Variants in OXR1 observed in about 807,000 individuals in gnomAD.
OXR1 encodes oxidation resistance protein 1.
In OXR1, 41 loss-of-function variants were observed where a neutral mutation model predicts 104.6. The observed-to-expected ratio is 0.39, with a 90% CI of 0.31 to 0.51. The LOEUF is 0.51. Among genes scored for constraint, OXR1 ranks in the 20% least tolerant of loss-of-function variants. The probability of loss-of-function intolerance (pLI) is 0.77; values close to 1 mark genes in which losing one functional copy is unlikely to be tolerated. For missense variants in OXR1, 955 were observed against 1,031.9 expected (o/e 0.93, Z 1.02); for synonymous variants, 348 against 348.4 (o/e 1.00, Z 0.01).
At chr8:106,573,476 T>C (rs1817620515) in intron 3 of OXR1, among the ~76,000 whole-genome samples, 1 of 152,168 alleles carries the variant, frequency 6.6e-6, no homozygotes, top group African/African-American at 2.4e-5. Flanking sequence ...TATTCAGTAA[T>C]GATTCTGCTA....
intron 1 of OXR1, among the ~76,000 whole-genome samples, chr8:106,301,402 C>T (rs1490873016): frequency 3.9e-5 from 6 of 152,072 alleles, no homozygotes; most frequent in Non-Finnish European, 8.8e-5. Flanking sequence ...AATACTCAGT[C>T]AGTAGGAAAA....
At chr8:106,520,789 C>T (rs916379913) in intron 3 of OXR1, among the ~76,000 whole-genome samples, 3 of 152,136 alleles carry the variant, frequency 2.0e-5, no homozygotes, top group South Asian at 2.1e-4. Context: ...TTCTAATTAG[C>T]GAAAAAGACA....
At chr8:106,470,389 G>A (rs982098658) in intron 2 of OXR1, among the ~76,000 whole-genome samples, 12 of 151,440 alleles carry the variant, frequency 7.9e-5, no homozygotes, top group African/African-American at 2.2e-4. Flanking sequence ...TTGGAGGTGA[G>A]TGTGAATAAA....
rs1451255553 is a variant in OXR1 at position 106,498,878 on chromosome 8, GAT to G, written c.24-20064_24-20063del. ...TACCTTTTTAGCTAAAGAATTAGGA[GAT>G]GGCCGGGCGCGGTGGCTCACGCCTG... On this transcript the variant is annotated intron_variant, in intron 2 of 16. Transcript: ENST00000517566. 2.5e-5 allele frequency among the ~76,000 whole-genome samples: 2 copies of G among 78,520 alleles called. 1 individual carries two copies. Among genetic ancestry groups the G allele is most frequent in the Non-Finnish European group, 6.1e-5 (2 of 32,982 alleles). The allele number at this position is 78,520 out of a possible 152,430, so 51.5% of individuals were successfully genotyped here.
At chr8:106,512,608 T>C (rs573347939) in intron 2 of OXR1, among the ~76,000 whole-genome samples, 1 of 152,184 alleles carries the variant, frequency 6.6e-6, no homozygotes, top group Non-Finnish European at 1.5e-5. Context: ...AGTCATATCA[T>C]GATGTAGTTT....
At chr8:106,527,631 C>G (rs1413835516) in intron 3 of OXR1, among the ~76,000 whole-genome samples, 1 of 152,194 alleles carries the variant, frequency 6.6e-6, no homozygotes, top group Admixed American at 6.5e-5. Context: ...TCCAAACGTC[C>G]TTTACACCTG....
At chr8:106,270,601 G>A (rs945466564) in intron 1 of OXR1, among the ~76,000 whole-genome samples, 1 of 149,480 alleles carries the variant, frequency 6.7e-6, no homozygotes, top group Admixed American at 6.7e-5. Context: ...GGGCCCAGAG[G>A]GCGGACTTGG....
chr8:106,484,653 A>G lies in OXR1; in HGVS notation c.24-34290A>G, dbSNP rs539562031. The stretch of plus-strand genomic sequence containing the variant: ...ACACCTATTAGAATGGCCAAAGTCC[A>G]GAACACTGACACTACCAAATGCTGA... On this transcript the variant is annotated intron_variant, in intron 2 of 16. Coordinates refer to ENST00000517566, the MANE Select transcript of OXR1 (RefSeq NM_001198533.2). 1.5e-4 allele frequency among the ~76,000 whole-genome samples: 23 copies of G among 152,208 alleles called. 1 individual carries two copies. The South Asian group carries it at 4.6e-3, about 30-fold the overall frequency.
intron 10 of OXR1, among the ~76,000 whole-genome samples, chr8:106,712,835 T>C (rs1212134872): frequency 1.3e-5 from 2 of 152,072 alleles, no homozygotes; most frequent in East Asian, 3.8e-4. Context: ...AATGTAACTA[T>C]ATTTAGTTAA....
At chr8:106,423,537 G>T (rs916189181) in intron 2 of OXR1, among the ~76,000 whole-genome samples, 21 of 152,154 alleles carry the variant, frequency 1.4e-4, no homozygotes. Context: ...ATCCAAAGAT[G>T]GTTCTAAACA....
chr8:106,454,892 GT>G (rs1820519644), intron 2 of OXR1, among the ~76,000 whole-genome samples: 1 of 152,070 alleles, frequency 6.6e-6, no homozygotes, highest in Non-Finnish European at 1.5e-5. Flanking sequence ...GATGGACGGG[GT>G]CTCTTCCGCC....
chr8:106,633,933 T>C (rs1822918223), intron 3 of OXR1, among the ~76,000 whole-genome samples: 1 of 152,186 alleles, frequency 6.6e-6, no homozygotes, highest in Admixed American at 6.5e-5. Context: ...ATGCTTAACT[T>C]CAGCAATTTC....
chr8:106,376,938 A>C (rs1377620087), intron 2 of OXR1, among the ~76,000 whole-genome samples: 1 of 152,188 alleles, frequency 6.6e-6, no homozygotes, highest in Admixed American at 6.5e-5. Flanking sequence ...CATTGGATGT[A>C]AGTCTTCTAT....
chr8:106,724,454 A>G (rs1833137765), intron 11 of OXR1, among the ~76,000 whole-genome samples: 1 of 152,170 alleles, frequency 6.6e-6, no homozygotes, highest in Admixed American at 6.5e-5. Flanking sequence ...CTGTATTTAT[A>G]AATTTGGATG....
intron 2 of OXR1, among the ~76,000 whole-genome samples, chr8:106,501,118 C>T (rs937138348): frequency 4.6e-5 from 7 of 152,286 alleles, no homozygotes; most frequent in African/African-American, 1.7e-4. Context: ...CTTGTACAAA[C>T]TCATACAACT....
intron 3 of OXR1, among the ~76,000 whole-genome samples, chr8:106,664,597 A>G (rs576800076): frequency 3.5e-4 from 53 of 152,334 alleles, no homozygotes; most frequent in African/African-American, 1.3e-3. Flanking sequence ...GTGGCCAACA[A>G]ATTAGTCTTA....
chr8:106,694,502 TTTTATATATATTTGATATATAAATATG>T (rs1563715929), intron 7 of OXR1, among the ~76,000 whole-genome samples: 41 of 134,850 alleles, frequency 3.0e-4, no homozygotes, highest in Middle Eastern at 5.1e-3. Flanking sequence ...ATAAATATGT[TTTTATATATATTTGATATATAAATATG>T]TTTATATATA....
chr8:106,320,325 T>C (rs1236863265), intron 1 of OXR1, among the ~76,000 whole-genome samples: 1 of 152,174 alleles, frequency 6.6e-6, no homozygotes, highest in East Asian at 1.9e-4. Flanking sequence ...CTCCTTGTCG[T>C]AGACTTAGGT....
At chr8:106,480,839 C>T (rs1336042133) in intron 2 of OXR1, among the ~76,000 whole-genome samples, 2 of 151,800 alleles carry the variant, frequency 1.3e-5, no homozygotes, top group Non-Finnish European at 2.9e-5. Context: ...ATTTAATGTA[C>T]ATGAAAAAAC....
Sources: gnomAD v4.1 joint callset for allele counts (sites outside exome capture counted in the v4.1 genomes callset) on GRCh38, gnomAD v4.1.1 for gene constraint, MANE v1.5 for transcripts, NCBI Gene and HGNC (gene_info 2026-07-23, HGNC 2026-07-21) for gene names.